IRF2: variants seen among roughly 807,000 people sequenced by gnomAD.
IRF2 encodes interferon regulatory factor 2.
Under a neutral mutation model 40.6 loss-of-function variants are expected in IRF2, and 15 were observed. The observed-to-expected ratio is 0.37, with a 90% confidence interval of 0.25 to 0.57. The LOEUF (loss-of-function observed/expected upper bound fraction) is 0.57. Ranked by LOEUF, IRF2 falls within the 20% of genes least tolerant of loss-of-function variation. The pLI, the probability that IRF2 is intolerant of heterozygous loss-of-function variation, is 0.77. For missense variants in IRF2, 317 were observed against 455.7 expected (o/e 0.70, Z 2.77); for synonymous variants, 151 against 165.5 (o/e 0.91, Z 0.67).
intron 8 of IRF2, 104 bp from the exon 9 acceptor site, chr4:184,389,170 A>T: frequency 1.7e-6 from 2 of 1,151,924 alleles, no homozygotes; most frequent in South Asian, 2.6e-5. Context: ...CTGTAATCCC[A>T]GCACTTTGGG....
At chr4:184,457,921 C>T (rs558712634) in intron 1 of IRF2, among the ~76,000 whole-genome samples, 1 of 152,322 alleles carries the variant, frequency 6.6e-6, no homozygotes, top group Admixed American at 6.5e-5. Context: ...GGAACACATG[C>T]ACTGAGTGAG....
At chr4:184,436,707 G>A (rs1385189362) in intron 1 of IRF2, among the ~76,000 whole-genome samples, 4 of 152,114 alleles carry the variant, frequency 2.6e-5, no homozygotes, top group East Asian at 3.8e-4. Flanking sequence ...TGGTATCGGC[G>A]GCCAAAGCAG....
intron 1 of IRF2, among the ~76,000 whole-genome samples, chr4:184,454,336 G>C (rs147616548): frequency 1.3e-5 from 2 of 152,230 alleles, no homozygotes; most frequent in East Asian, 3.9e-4. Flanking sequence ...TTCAAATCTG[G>C]TCAAGCTCCA....
intron 1 of IRF2, among the ~76,000 whole-genome samples, chr4:184,461,485 T>C (rs1330054188): frequency 6.6e-6 from 1 of 152,180 alleles, no homozygotes; most frequent in African/African-American, 2.4e-5. Flanking sequence ...GTTTTCTCTA[T>C]CTGGAAGAAT....
chr4:184,418,348 T>C lies in IRF2; in HGVS notation c.365-135A>G, dbSNP rs954829263. On this transcript the variant is annotated intron_variant, in intron 4 of 8. Transcript: ENST00000393593. ...CTGTACATGGTCAAAATTCCACATG[T>C]ATCTTTCACTGCCTCTGGTGAATCG... is the stretch of plus-strand genomic sequence containing the variant. The C allele has an allele frequency of 1.8e-5, 17 of 949,350 alleles. No homozygotes were observed. In the African/African-American group the frequency reaches 2.6e-4, roughly 15 times the overall value. The allele number at this position is 949,350 out of a possible 1,614,324, so 58.8% of individuals were successfully genotyped here. A position where few individuals can be genotyped will look rare whatever the true frequency, so the allele number is the denominator to read the frequency against.
intron 5 of IRF2, 92 bp downstream of exon 5, chr4:184,418,075 A>G (rs1737347701): frequency 6.5e-6 from 6 of 916,200 alleles, no homozygotes; most frequent in South Asian, 4.0e-5. Context: ...AAGAGGACAC[A>G]CTGAGGTCCT....
chr4:184,472,717 C>G (rs1739556531), intron 1 of IRF2: 2 of 152,140 alleles, frequency 1.3e-5, no homozygotes, highest in African/African-American at 4.8e-5. Flanking sequence ...CAGACAGTAG[C>G]GGGTCAGAAA....
At chr4:184,418,291 T>G in intron 4 of IRF2, 78 bp from the exon 5 acceptor site, 1 of 1,173,966 alleles carries the variant, frequency 8.5e-7, no homozygotes, top group Non-Finnish European at 1.3e-6. Context: ...TTAAATTCTT[T>G]CTGAAACTCT....
At chr4:184,433,218 G>C (rs1737954017) in intron 1 of IRF2, among the ~76,000 whole-genome samples, 1 of 152,228 alleles carries the variant, frequency 6.6e-6, no homozygotes, top group African/African-American at 2.4e-5. Context: ...TCGCCAACTT[G>C]AACGTGCACA....
intron 1 of IRF2, among the ~76,000 whole-genome samples, chr4:184,460,274 G>A (rs191757956): frequency 6.6e-6 from 1 of 152,328 alleles, no homozygotes; most frequent in East Asian, 1.9e-4. Context: ...GACATCTCGA[G>A]TGGTCAGATT....
At chr4:184,415,656 G>A (rs28444538) in intron 5 of IRF2, among the ~76,000 whole-genome samples, 1,846 of 152,334 alleles carry the variant, frequency 0.012, 48 homozygotes, top group African/African-American at 0.042. Context: ...ATTGGCATCT[G>A]GCGTTCGATG....
intron 5 of IRF2, among the ~76,000 whole-genome samples, chr4:184,416,272 C>A (rs1364734387): frequency 6.9e-6 from 1 of 145,568 alleles, no homozygotes; most frequent in East Asian, 2.0e-4. Flanking sequence ...GAGCTATGAT[C>A]GCGTCACTTC....
At chr4:184,431,025 A>T (rs981183682) in intron 1 of IRF2, among the ~76,000 whole-genome samples, 1 of 152,168 alleles carries the variant, frequency 6.6e-6, no homozygotes, top group African/African-American at 2.4e-5. Flanking sequence ...AGTCCTACAA[A>T]GCGCAAATGT....
chr4:184,391,402 A>G (rs1736257378), intron 7 of IRF2, among the ~76,000 whole-genome samples: 1 of 152,226 alleles, frequency 6.6e-6, no homozygotes, highest in Non-Finnish European at 1.5e-5. Context: ...ATCATGTTAC[A>G]TAACTCAGAA....
intron 2 of IRF2, among the ~76,000 whole-genome samples, chr4:184,421,877 T>C (rs1737495305): frequency 6.6e-6 from 1 of 152,186 alleles, no homozygotes; most frequent in Non-Finnish European, 1.5e-5. Context: ...TTCAGGTGTT[T>C]GTCCCCTCAA....
chr4:184,400,108 T>G (rs1028692533), intron 6 of IRF2, among the ~76,000 whole-genome samples: 1 of 152,198 alleles, frequency 6.6e-6, no homozygotes, highest in Non-Finnish European at 1.5e-5. Context: ...TTATCACACA[T>G]AAAGGTTCAT....
In IRF2 at chr4:184,448,010, C is replaced by T. The variant is rs1309803793; in HGVS notation, c.-6-18940G>A. On this transcript the variant is annotated intron_variant, in intron 1 of 8. Transcript: ENST00000393593. The surrounding 1 kb of genome is among the most constrained non-coding windows in gnomAD (Gnocchi z 4.3). ...CCAGGGTCTCAATGGAGACTATCTT[C>T]GTTACAGCAAAGACACATTCAAGTA... Among the ~76,000 whole-genome samples, 3 of 152,178 alleles carry T rather than the reference C, an allele frequency of 2.0e-5. No individual in the cohort carries two copies. The highest frequency in any genetic ancestry group is 2.1e-4 in the South Asian group (1 of 4,826).
At position 184,448,896 on chromosome 4, in the gene IRF2, GT is replaced by G. The variant is rs1326649564; in HGVS notation, c.-6-19827del. 6.6e-6 allele frequency: 1 copy of G among 152,176 alleles called. No individual in the cohort carries two copies. The highest frequency in any genetic ancestry group is 1.5e-5 in the Non-Finnish European group (1 of 68,036). The allele number at this position is 152,176 out of a possible 1,614,324, so 9.4% of individuals were successfully genotyped here. On this transcript the variant is annotated intron_variant, in intron 1 of 8. Transcript: ENST00000393593. This position sits in a 1 kb window ranked among gnomAD's most constrained non-coding sequence, Gnocchi z 4.3. Reference sequence around the variant, plus strand: ...ACTAGGAGTAAGGGCTTTGCTTTTTGTTTCTTGTTTACAACGTTTCCTCGAC... The same window carrying G: ...ACTAGGAGTAAGGGCTTTGCTTTTTGTTCTTGTTTACAACGTTTCCTCGAC...
At chr4:184,416,097 G>A (rs1737256236) in intron 5 of IRF2, among the ~76,000 whole-genome samples, 1 of 152,130 alleles carries the variant, frequency 6.6e-6, no homozygotes, top group African/African-American at 2.4e-5. Flanking sequence ...GATTACTTGA[G>A]GCCAGGAGTT....
Sources: allele counts gnomAD v4.1 joint callset (sites outside exome capture counted in the v4.1 genomes callset), GRCh38; gene constraint gnomAD v4.1.1; non-coding constraint Gnocchi (gnomAD v3.1); transcripts MANE v1.5; gene names NCBI Gene and HGNC (gene_info 2026-07-23, HGNC 2026-07-21).